MAP2: variants seen among roughly 807,000 people sequenced by gnomAD.
The protein encoded by MAP2 is microtubule-associated protein 2.
A neutral mutation model predicts 137.6 loss-of-function variants in MAP2; 14 were observed. That is an observed-to-expected ratio of 0.10 (90% CI 0.07 to 0.16). The LOEUF is 0.16. MAP2 is among the 10% of genes least tolerant of loss of function. MAP2 has a pLI of 1.00. For missense variants in MAP2, 2,088 were observed against 2,191.5 expected (o/e 0.95, Z 0.94); for synonymous variants, 786 against 782.3 (o/e 1.00, Z -0.08).
At chr2:209,579,899 G>A (rs1269836395) in intron 2 of MAP2, 137 bp from the exon 3 acceptor site, 2 of 151,282 alleles carry the variant, frequency 1.3e-5, no homozygotes, top group Non-Finnish European at 2.9e-5. Flanking sequence ...TTTTTTTTGT[G>A]CTACAGACCT....
intron 4 of MAP2, among the ~76,000 whole-genome samples, chr2:209,645,388 T>C (rs927286439): frequency 9.2e-5 from 14 of 152,180 alleles, no homozygotes; most frequent in Admixed American, 8.5e-4. Flanking sequence ...TATTCACTTA[T>C]TAGCCACATT....
chr2:209,521,394 C>T (rs376185466), intron 2 of MAP2, among the ~76,000 whole-genome samples: 1 of 151,844 alleles, frequency 6.6e-6, no homozygotes, highest in African/African-American at 2.4e-5. Flanking sequence ...TGTGGCAGCA[C>T]CTGTCCAATC....
chr2:209,608,944 C>T (rs955249159), intron 3 of MAP2, among the ~76,000 whole-genome samples: 2 of 152,036 alleles, frequency 1.3e-5, no homozygotes, highest in East Asian at 3.9e-4. Context: ...ATCTTAAATA[C>T]CATGCTCTCC....
In MAP2 at chr2:209,626,121, T is replaced by C. The variant is rs554870390; in HGVS notation, c.-30+992T>C. On this transcript the variant is annotated intron_variant, in intron 4 of 15. Coordinates refer to ENST00000682079, the MANE Select transcript of MAP2 (RefSeq NM_001375505.1). ...TTTATAAGATGTTCAAAGCAAAATA[T>C]AAAAAAATATTATAGGCCGGGTGTG... 2.8e-4 allele frequency among the ~76,000 whole-genome samples: 42 copies of C among 152,108 alleles called. No individual in the cohort carries two copies. In the South Asian group the frequency reaches 8.7e-3, roughly 32 times the overall value.
At chr2:209,660,670 C>G (rs564701619) in intron 5 of MAP2, among the ~76,000 whole-genome samples, 1 of 147,968 alleles carries the variant, frequency 6.8e-6, no homozygotes, top group Non-Finnish European at 1.5e-5. Context: ...GCTGAGATTA[C>G]AGGCGTGAGC....
intron 2 of MAP2, among the ~76,000 whole-genome samples, chr2:209,535,150 A>G (rs76377201): frequency 4.5e-4 from 68 of 152,038 alleles, no homozygotes; most frequent in Non-Finnish European, 8.5e-4. Context: ...AGATTTGTCT[A>G]TTCTGGATAT....
intron 2 of MAP2, among the ~76,000 whole-genome samples, chr2:209,510,443 A>T (rs2061590433): frequency 6.6e-6 from 1 of 152,080 alleles, no homozygotes; most frequent in African/African-American, 2.4e-5. Context: ...CACTGCTGAC[A>T]TTGTACTTAG....
intron 1 of MAP2, among the ~76,000 whole-genome samples, chr2:209,443,109 A>C (rs766021691): frequency 7.9e-5 from 12 of 151,552 alleles, no homozygotes; most frequent in Non-Finnish European, 1.0e-4. Flanking sequence ...GAAGCATGCT[A>C]TCTCTTCAAT....
intron 1 of MAP2, among the ~76,000 whole-genome samples, chr2:209,497,987 T>G (rs1427612796): frequency 6.6e-6 from 1 of 152,198 alleles, no homozygotes; most frequent in Non-Finnish European, 1.5e-5. Flanking sequence ...TTCCCAATGG[T>G]TCCCCAATGT....
chr2:209,424,196 C>T lies in MAP2; in HGVS notation c.-302C>T, dbSNP rs1424984970. 1 of 152,608 alleles carries T rather than the reference C, an allele frequency of 6.6e-6. No individual in the cohort carries two copies. The highest frequency in any genetic ancestry group is 1.5e-5 in the Non-Finnish European group (1 of 68,280). 9.5% of individuals were successfully genotyped at this position (152,608 alleles called of 1,614,324 possible). A position where few individuals can be genotyped will look rare whatever the true frequency, so the allele number is the denominator to read the frequency against. On this transcript the variant is annotated 5_prime_UTR_variant, in exon 1 of 16. Transcript: ENST00000682079. Reference sequence around the variant, plus strand: ...CCCTTCTTCCCCTAACCCTTCTACCCCTCTCCTTTTTCTCCGGAGGGCGCT... The same window carrying T: ...CCCTTCTTCCCCTAACCCTTCTACCTCTCTCCTTTTTCTCCGGAGGGCGCT...
chr2:209,558,374 A>T (rs921542523), intron 2 of MAP2, among the ~76,000 whole-genome samples: 2 of 152,030 alleles, frequency 1.3e-5, no homozygotes, highest in African/African-American at 4.8e-5. Context: ...GTTTTAGTAG[A>T]GACAGGGTTT....
intron 4 of MAP2, among the ~76,000 whole-genome samples, chr2:209,639,762 T>C (rs563449406): frequency 6.6e-6 from 1 of 150,970 alleles, no homozygotes; most frequent in South Asian, 2.1e-4. Flanking sequence ...TACATGAGGT[T>C]TTTTTTTTTG....
At chr2:209,715,883 C>T (rs2067381779) in intron 13 of MAP2, among the ~76,000 whole-genome samples, 1 of 152,104 alleles carries the variant, frequency 6.6e-6, no homozygotes. Flanking sequence ...ATTCAAATAA[C>T]AGGACTTTCA....
At chr2:209,555,049 C>T (rs933407094) in intron 2 of MAP2, among the ~76,000 whole-genome samples, 1 of 151,280 alleles carries the variant, frequency 6.6e-6, no homozygotes, top group Non-Finnish European at 1.5e-5. Flanking sequence ...CAAATATAAT[C>T]ATAAATCCTG....
Position 209,696,913 on chromosome 2 carries a change from A to G in MAP2, c.4388-4A>G. The G allele has an allele frequency of 2.5e-6, 4 of 1,593,786 alleles. No homozygotes were observed. The highest frequency in any genetic ancestry group is 3.4e-6 in the Non-Finnish European group (4 of 1,174,708). On this transcript the variant is annotated splice_polypyrimidine_tract_variant and splice_region_variant and intron_variant, in intron 9 of 15. Transcript: ENST00000682079. ...GTATGCTTTTTGTGTTTTCTTATTC[A>G]TAGCAGTTTATAAGAAGGCTGAACT...
At chr2:209,522,309 C>T (rs1025437398) in intron 2 of MAP2, among the ~76,000 whole-genome samples, 1 of 152,184 alleles carries the variant, frequency 6.6e-6, no homozygotes, top group East Asian at 1.9e-4. Flanking sequence ...ACCAATGGCA[C>T]CTGTCACAAA....
intron 5 of MAP2, among the ~76,000 whole-genome samples, chr2:209,660,787 G>A: frequency 6.8e-6 from 1 of 147,244 alleles, no homozygotes; most frequent in East Asian, 2.0e-4. Flanking sequence ...AGGCTGGAGT[G>A]CAGTGGCGCG....
intron 4 of MAP2, among the ~76,000 whole-genome samples, chr2:209,643,253 G>T (rs1274137334): frequency 6.6e-6 from 1 of 152,092 alleles, no homozygotes; most frequent in African/African-American, 2.4e-5. Flanking sequence ...GCCAATTTTT[G>T]AGAGTAGTTA....
intron 2 of MAP2, among the ~76,000 whole-genome samples, chr2:209,558,662 A>T (rs2071253209): frequency 6.6e-6 from 1 of 150,502 alleles, no homozygotes. Context: ...AAATTCCTTC[A>T]TTTGTCCCCA....
Sources: allele counts gnomAD v4.1 joint callset (sites outside exome capture counted in the v4.1 genomes callset), GRCh38; gene constraint gnomAD v4.1.1; transcripts MANE v1.5; gene names NCBI Gene and HGNC (gene_info 2026-07-23, HGNC 2026-07-21).